The following ADCY2 variants were observed in gnomAD, a reference collection of about 807,000 sequenced individuals.
The protein encoded by ADCY2 is adenylate cyclase type 2.
In ADCY2, 31 loss-of-function variants were observed where a neutral mutation model predicts 125.2. That is an observed-to-expected ratio of 0.25 (90% CI 0.19 to 0.33). The LOEUF is 0.33. ADCY2 is among the 10% of genes least tolerant of loss of function. The pLI, the probability that ADCY2 is intolerant of heterozygous loss-of-function variation, is 1.00. For synonymous variants in ADCY2, 512 were observed against 548.4 expected (o/e 0.93, Z 0.93); for missense variants, 904 against 1,418.2 (o/e 0.64, Z 5.82).
chr5:7,756,603 C>T (rs1280669810), intron 15 of ADCY2, among the ~76,000 whole-genome samples: 1 of 152,038 alleles, frequency 6.6e-6, no homozygotes, highest in East Asian at 1.9e-4. Context: ...CTAGATGGTT[C>T]CACTTATAGG....
intron 2 of ADCY2, among the ~76,000 whole-genome samples, chr5:7,497,586 A>C (rs981584620): frequency 6.6e-6 from 1 of 152,172 alleles, no homozygotes; most frequent in Non-Finnish European, 1.5e-5. Context: ...AAGCATCCAA[A>C]AGTCATTCAT....
chr5:7,683,802 A>C (rs970783900), intron 4 of ADCY2, among the ~76,000 whole-genome samples: 1 of 152,190 alleles, frequency 6.6e-6, no homozygotes, highest in Non-Finnish European at 1.5e-5. Flanking sequence ...ACATAAAAAA[A>C]TATTCTGTTT....
chr5:7,677,238 A>G (rs780303894), intron 4 of ADCY2, among the ~76,000 whole-genome samples: 4 of 152,140 alleles, frequency 2.6e-5, no homozygotes, highest in Non-Finnish European at 5.9e-5. Context: ...AGATCACGCC[A>G]CTGCACTCCA....
At chr5:7,397,856 A>T (rs1739119837) in intron 1 of ADCY2, among the ~76,000 whole-genome samples, 1 of 152,040 alleles carries the variant, frequency 6.6e-6, no homozygotes, top group Admixed American at 6.5e-5. Context: ...GTAACTTTTG[A>T]TCCCTGTAGT....
chr5:7,792,731 T>C (rs1028797987), intron 20 of ADCY2, among the ~76,000 whole-genome samples: 4 of 152,234 alleles, frequency 2.6e-5, no homozygotes, highest in African/African-American at 9.6e-5. Context: ...AACCTAGAGC[T>C]ACACAGTGCG....
At chr5:7,510,720 A>G (rs1216352612) in intron 2 of ADCY2, among the ~76,000 whole-genome samples, 1 of 152,216 alleles carries the variant, frequency 6.6e-6, no homozygotes, top group African/African-American at 2.4e-5. Context: ...TCTCCAGGTA[A>G]AAGTCATGAG....
intron 4 of ADCY2, among the ~76,000 whole-genome samples, chr5:7,677,998 T>C (rs1008586736): frequency 6.6e-6 from 1 of 152,220 alleles, no homozygotes; most frequent in East Asian, 1.9e-4. Context: ...TAAGCATCTG[T>C]TTACTGTTTG....
chr5:7,443,078 A>T (rs949226187), intron 2 of ADCY2, among the ~76,000 whole-genome samples: 2 of 152,128 alleles, frequency 1.3e-5, no homozygotes, highest in African/African-American at 4.8e-5. Context: ...TGCACAACAA[A>T]ATACCCCTGA....
At chr5:7,553,900 A>G (rs1286647433) in intron 3 of ADCY2, among the ~76,000 whole-genome samples, 1 of 152,172 alleles carries the variant, frequency 6.6e-6, no homozygotes, top group Non-Finnish European at 1.5e-5. Context: ...TTCCTTCTCA[A>G]TATGGAAAGG....
At chr5:7,454,418 A>ATATTAGTGATGT (rs1366843075) in intron 2 of ADCY2, among the ~76,000 whole-genome samples, 4 of 152,192 alleles carry the variant, frequency 2.6e-5, no homozygotes, top group East Asian at 1.9e-4. Context: ...CCCAACCTAC[A>ATATTAGTGATGT]ATATTAGTGA....
rs16878707 is a variant in ADCY2 at position 7,490,197 on chromosome 5, A to G, written c.409-30541A>G. On this transcript the variant is annotated intron_variant, in intron 2 of 24. Transcript: ENST00000338316. ...GACATTAGTTCTTTTTCTTATTACA[A>G]CTAGTAGGTGTTGTTTAATAAGAAT... Among the ~76,000 whole-genome samples the G allele has an allele frequency of 5.7e-3, 867 of 151,978 alleles. 3 individuals are homozygous for G. Among genetic ancestry groups the G allele is most frequent in the African/African-American group, 0.02 (833 of 41,458 alleles).
At chr5:7,760,481 G>GC (rs1247711013) in intron 16 of ADCY2, among the ~76,000 whole-genome samples, 2 of 152,178 alleles carry the variant, frequency 1.3e-5, no homozygotes, top group African/African-American at 4.8e-5. Context: ...CCGCCTCCTG[G>GC]CCCGTCAGGA....
Position 7,724,600 on chromosome 5 carries a change from G to A in ADCY2, c.1759G>A (p.Val587Ile), listed in dbSNP as rs1015025182. The A allele has an allele frequency of 4.4e-6, 7 of 1,580,632 alleles. No homozygotes were observed. Among genetic ancestry groups the A allele is most frequent in the African/African-American group, 4.2e-5 (3 of 72,252 alleles). ...AATCTCACTGCTTTTCTATAACAAA[G>A]TACTAGAAAAAGAGGTAAGTTTTTT... Reference protein sequence around the residue: ...QRISLLFYNKVLEKEYRATAL... With the variant: ...QRISLLFYNKILEKEYRATAL... Residue 587 changes from valine (V) to isoleucine (I), a missense_variant, in exon 13 of 25, where the codon GTA (valine) becomes ATA (isoleucine). Around this residue, in one of 7 missense-constraint regions of ADCY2, gnomAD observed 144 missense variants for 227.7 expected, o/e 0.63. Coordinates refer to ENST00000338316, the MANE Select transcript of ADCY2 (RefSeq NM_020546.3).
At position 7,576,508 on chromosome 5, in the gene ADCY2, T is replaced by C. The variant is rs183734474; in HGVS notation, c.571-49659T>C. 3.1e-3 allele frequency among the ~76,000 whole-genome samples: 474 copies of C among 152,332 alleles called. 3 individuals are homozygous for C. Among genetic ancestry groups the C allele is most frequent in the Non-Finnish European group, 5.5e-3 (376 of 68,028 alleles). On this transcript the variant is annotated intron_variant, in intron 3 of 24. Coordinates refer to ENST00000338316, the MANE Select transcript of ADCY2 (RefSeq NM_020546.3). ...AACTAAGGCAACTTTTCATGATACC[T>C]TATGTAAAAGCTGGTATTATAATCC...
At chr5:7,763,051 T>TTTTG (rs200662811) in intron 16 of ADCY2, among the ~76,000 whole-genome samples, 205 of 150,632 alleles carry the variant, frequency 1.4e-3, no homozygotes, top group African/African-American at 4.6e-3. Flanking sequence ...TCTTTGTTTT[T>TTTTG]TTTGTTTGTT....
Position 7,802,387 on chromosome 5 carries a change from G to T in ADCY2, c.2775+23G>T. The T allele has an allele frequency of 6.2e-7, 1 of 1,611,414 alleles. No homozygotes were observed. The highest frequency in any genetic ancestry group is 8.5e-7 in the Non-Finnish European group (1 of 1,178,398). ...GATGTAGGTACTGAGAGTTGCCCTC[G>T]AAGGGCAGCAGTACACTCAGTCTCA... On this transcript the variant is annotated intron_variant, in intron 21 of 24. Transcript: ENST00000338316. The surrounding 1 kb of genome is among the most constrained non-coding windows in gnomAD (Gnocchi z 4.6).
intron 4 of ADCY2, among the ~76,000 whole-genome samples, chr5:7,653,411 A>T (rs749119982): frequency 3.9e-5 from 6 of 152,100 alleles, no homozygotes; most frequent in Non-Finnish European, 8.8e-5. Context: ...AAACGTGAAG[A>T]CGGCTAACAC....
At position 7,789,797 on chromosome 5, in the gene ADCY2, T is replaced by C. The variant is rs1001094820; in HGVS notation, c.2625T>C (p.Asn875=). The part of the protein sequence containing the change: ...AEHFLARSLK[N]EELYHQSYDC... ...ACTTCCTGGCCAGGAGCCTGAAGAA[T>C]GAGGTCAGACCAGGGGGGCTGGGGG... Residue 875 remains asparagine, a synonymous_variant, in exon 20 of 25, where the codon AAT becomes AAC. Transcript: ENST00000338316. The C allele has an allele frequency of 3.3e-5, 44 of 1,333,558 alleles. No homozygotes were observed. The highest frequency in any genetic ancestry group is 4.2e-5 in the Non-Finnish European group (43 of 1,017,408). 82.6% of individuals were successfully genotyped at this position (1,333,558 alleles called of 1,614,324 possible). A position where few individuals can be genotyped will look rare whatever the true frequency, so the allele number is the denominator to read the frequency against.
At chr5:7,547,555 C>T (rs1056733209) in intron 3 of ADCY2, among the ~76,000 whole-genome samples, 9 of 152,272 alleles carry the variant, frequency 5.9e-5, no homozygotes, top group Admixed American at 5.9e-4. Flanking sequence ...GGTGGGCTTT[C>T]CAGGAATTTC....
Sources: allele counts gnomAD v4.1 joint callset (sites outside exome capture counted in the v4.1 genomes callset), GRCh38; gene constraint gnomAD v4.1.1; regional missense constraint gnomAD v4.1.1; non-coding constraint Gnocchi (gnomAD v3.1); transcripts MANE v1.5; gene names NCBI Gene and HGNC (gene_info 2026-07-23, HGNC 2026-07-21).